Variants in ACSL1 observed in about 807,000 individuals in gnomAD.
The protein encoded by ACSL1 is acyl-CoA synthetase long chain family member 1.
ACSL1 carries 41 observed loss-of-function variants against 98.4 expected under a neutral mutation model. That is an observed-to-expected ratio of 0.42 (90% CI 0.32 to 0.54). The LOEUF is 0.54. Ranked by LOEUF, ACSL1 falls within the 20% of genes least tolerant of loss-of-function variation. The pLI, the probability that ACSL1 is intolerant of heterozygous loss-of-function variation, is 0.13. For synonymous variants in ACSL1, 316 were observed against 322.7 expected, an observed-to-expected ratio of 0.98 and a Z score of 0.22; for missense variants, 734 against 883.1, an observed-to-expected ratio of 0.83 and a Z score of 2.14.
intron 1 of ACSL1, among the ~76,000 whole-genome samples, chr4:184,814,533 G>C (rs112966144): frequency 0.014 from 2,065 of 152,146 alleles, 50 homozygotes; most frequent in African/African-American, 0.047. Context: ...CGAGTCTATG[G>C]GTGTTTTTAC....
chr4:184,758,818 G>C (rs1424254756), intron 18 of ACSL1: 1 of 151,858 alleles, frequency 6.6e-6, no homozygotes, highest in Non-Finnish European at 1.5e-5. Context: ...ACAACGTGCA[G>C]GTTAGTGCCA....
intron 3 of ACSL1, among the ~76,000 whole-genome samples, chr4:184,784,690 C>G (rs1439170850): frequency 6.6e-6 from 1 of 152,152 alleles, no homozygotes; most frequent in Non-Finnish European, 1.5e-5. Context: ...TGAGGAGGCT[C>G]TGATTTGACA....
chr4:184,811,103 T>C (rs953674903), intron 1 of ACSL1, among the ~76,000 whole-genome samples: 1 of 151,992 alleles, frequency 6.6e-6, no homozygotes, highest in African/African-American at 2.4e-5. Flanking sequence ...CGATGCACAA[T>C]GCTTTTTTTT....
intron 5 of ACSL1, among the ~76,000 whole-genome samples, chr4:184,779,420 C>T (rs1376361552): frequency 1.3e-5 from 2 of 152,200 alleles, no homozygotes; most frequent in African/African-American, 4.8e-5. Context: ...TCCAATTAAA[C>T]CTCTTTTTGT....
At chr4:184,784,722 T>C (rs148405850) in intron 3 of ACSL1, among the ~76,000 whole-genome samples, 2 of 152,218 alleles carry the variant, frequency 1.3e-5, no homozygotes, top group African/African-American at 4.8e-5. Context: ...GGAAGTAGGA[T>C]GGAAGGCAGG....
chr4:184,768,160 C>T (rs62338196), intron 12 of ACSL1, 156 bp downstream of exon 12: 8,041 of 730,324 alleles, frequency 0.011, 64 homozygotes, highest in Non-Finnish European at 0.013. Context: ...GAGAGGTAAA[C>T]GCATTCTAAC....
chr4:184,771,333 C>T (rs893465148), intron 10 of ACSL1, among the ~76,000 whole-genome samples: 1 of 152,056 alleles, frequency 6.6e-6, no homozygotes, highest in Admixed American at 6.5e-5. Context: ...ATACAGGACC[C>T]ATTTCAACAT....
At chr4:184,797,295 T>C (rs761067431) in intron 2 of ACSL1, among the ~76,000 whole-genome samples, 3 of 152,238 alleles carry the variant, frequency 2.0e-5, no homozygotes, top group Non-Finnish European at 4.4e-5. Flanking sequence ...TAAAAACTTA[T>C]GAATCAACGA....
At chr4:184,788,299 G>GAAAA (rs1767750984) in intron 3 of ACSL1, 8 of 414,342 alleles carry the variant, frequency 1.9e-5, no homozygotes, top group Non-Finnish European at 4.6e-6. Context: ...GAAAAATGCC[G>GAAAA]GATTGGGCCC....
chr4:184,803,099 G>A lies in ACSL1; in HGVS notation c.195+221C>T, dbSNP rs1770796249. ...TCATTTCTAGAATGATCTTCCATGT[G>A]ACGAGAGGTAGACACCCAACCGACA... On this transcript the variant is annotated intron_variant, in intron 2 of 20. Coordinates refer to ENST00000281455, the MANE Select transcript of ACSL1 (RefSeq NM_001995.5). The surrounding 1 kb of genome is among the most constrained non-coding windows in gnomAD (Gnocchi z 4.8). Among the ~76,000 whole-genome samples the A allele has an allele frequency of 6.6e-6, 1 of 152,164 alleles. No homozygotes were observed. Among genetic ancestry groups the A allele is most frequent in the Non-Finnish European group, 1.5e-5 (1 of 68,034 alleles).
In ACSL1 at chr4:184,776,550, G is replaced by T; in HGVS notation, c.690C>A (p.Tyr230Ter). The change falls in exon 7 of 21, where the codon TAC becomes TAA. Residue 230 changes from tyrosine to a stop codon, truncating the protein, a stop_gained. Coordinates refer to ENST00000281455, the MANE Select transcript of ACSL1 (RefSeq NM_001995.5). LOFTEE classifies it high-confidence loss of function. The part of the protein sequence containing the change: ...GLKIIVVMDA[Y>*]GSELVERGQR... ...GGCCTCGTTCCACCAGTTCACTGCCGTAGGCATCCATGACAACTATGATTT... is the reference window on the plus strand; with the variant it reads ...GGCCTCGTTCCACCAGTTCACTGCCTTAGGCATCCATGACAACTATGATTT... The T allele has an allele frequency of 6.2e-7, 1 of 1,614,148 alleles. No individual in the cohort carries two copies. Among genetic ancestry groups the T allele is most frequent in the Non-Finnish European group, 8.5e-7 (1 of 1,180,008 alleles).
intron 3 of ACSL1, among the ~76,000 whole-genome samples, chr4:184,784,317 G>A (rs189095903): frequency 5.0e-4 from 76 of 152,274 alleles, no homozygotes; most frequent in South Asian, 2.1e-3. Context: ...GCAGATGAGT[G>A]GTAAAGAGAA....
At chr4:184,764,783 C>T in intron 15 of ACSL1, 70 bp downstream of exon 15, 1 of 1,393,232 alleles carries the variant, frequency 7.2e-7, no homozygotes, top group Non-Finnish European at 9.8e-7. Flanking sequence ...AGTGATTAAC[C>T]CAATTCCAGA....
intron 11 of ACSL1, chr4:184,770,141 C>G: frequency 1.0e-6 from 1 of 978,704 alleles, no homozygotes; most frequent in Non-Finnish European, 1.5e-6. Context: ...ATTCCAGTAT[C>G]CTGTTCATAC....
chr4:184,765,856 T>G, intron 14 of ACSL1, 35 bp downstream of exon 14: 1 of 1,590,578 alleles, frequency 6.3e-7, no homozygotes, highest in Non-Finnish European at 8.6e-7. Context: ...GGCATCCTAG[T>G]GTGGGAGAAT....
At chr4:184,777,560 TGAGA>T (rs1765499187) in intron 5 of ACSL1, among the ~76,000 whole-genome samples, 1 of 135,784 alleles carries the variant, frequency 7.4e-6, no homozygotes, top group East Asian at 2.2e-4. Context: ...GAGGAGAGAT[TGAGA>T]AAGAAAAGAA....
chr4:184,793,437 C>G (rs914251892), intron 2 of ACSL1, among the ~76,000 whole-genome samples: 1 of 152,168 alleles, frequency 6.6e-6, no homozygotes, highest in African/African-American at 2.4e-5. Flanking sequence ...AACAGGAACG[C>G]GATGGCCAGT....
intron 16 of ACSL1, among the ~76,000 whole-genome samples, chr4:184,762,726 G>C (rs1188400249): frequency 6.6e-6 from 1 of 152,198 alleles, no homozygotes; most frequent in Non-Finnish European, 1.5e-5. Context: ...AATTACCTCA[G>C]CTCTGGCCGA....
At chr4:184,772,303 C>T (rs116143768) in intron 10 of ACSL1, among the ~76,000 whole-genome samples, 2,145 of 152,250 alleles carry the variant, frequency 0.014, 20 homozygotes, top group Middle Eastern at 0.031. Context: ...TTTCTGCAGC[C>T]ACCAAACATG....
Sources: gnomAD v4.1 joint callset for allele counts (sites outside exome capture counted in the v4.1 genomes callset) on GRCh38, gnomAD v4.1.1 for gene constraint, Gnocchi (gnomAD v3.1) non-coding constraint, MANE v1.5 for transcripts, NCBI Gene and HGNC (gene_info 2026-07-23, HGNC 2026-07-21) for gene names.